CCDC148: variants seen among roughly 807,000 people sequenced by gnomAD.
The protein encoded by CCDC148 is coiled-coil domain containing 148, also known as coiled-coil domain-containing protein 148.
In CCDC148, 89 loss-of-function variants were observed where a neutral mutation model predicts 85.7. The ratio of observed to expected loss-of-function variants is 1.04; its 90% CI spans 0.87 to 1.24. CCDC148 has a LOEUF of 1.24. CCDC148 is among the 50% of genes most tolerant of loss of function. CCDC148 has a pLI of 0.00. For synonymous variants in CCDC148, 230 were observed against 213.9 expected (o/e 1.08, Z -0.66); for missense variants, 692 against 671.7 (o/e 1.03, Z -0.33).
chr2:158,201,438 C>T (rs1195586017), intron 11 of CCDC148, among the ~76,000 whole-genome samples: 1 of 151,468 alleles, frequency 6.6e-6, no homozygotes, highest in African/African-American at 2.4e-5. Context: ...GAGACAGGGT[C>T]TCACTCTGTC....
chr2:158,432,563 T>C (rs911866035), intron 1 of CCDC148, among the ~76,000 whole-genome samples: 3 of 152,184 alleles, frequency 2.0e-5, no homozygotes, highest in African/African-American at 4.8e-5. Context: ...AAAATCTGAA[T>C]TCCTTACATC....
chr2:158,281,847 T>A (rs1690322950), intron 9 of CCDC148, among the ~76,000 whole-genome samples: 2 of 152,098 alleles, frequency 1.3e-5, no homozygotes, highest in Admixed American at 6.5e-5. Flanking sequence ...TAAACCAACA[T>A]CCTTGATGAA....
At chr2:158,276,784 G>A (rs1475507079) in intron 9 of CCDC148, among the ~76,000 whole-genome samples, 1 of 152,184 alleles carries the variant, frequency 6.6e-6, no homozygotes, top group Non-Finnish European at 1.5e-5. Flanking sequence ...TAATTATGGT[G>A]CTGAAACAGA....
rs530999464 is a variant in CCDC148, at chr2:158,278,584, G to A, written c.1111-27672C>T. ...CAGCGAGGCTGGGGGAGGGGCGCCCGCCATTGCCCAGGCTTGCTTAGGTAA... is the reference window on the plus strand; with the variant it reads ...CAGCGAGGCTGGGGGAGGGGCGCCCACCATTGCCCAGGCTTGCTTAGGTAA... On this transcript the variant is annotated intron_variant, in intron 9 of 13. Transcript: ENST00000283233. Among the ~76,000 whole-genome samples the A allele has an allele frequency of 5.9e-5, 9 of 152,302 alleles. No homozygotes were observed. In the South Asian group the frequency reaches 6.2e-4, roughly 11 times the overall value.
intron 10 of CCDC148, among the ~76,000 whole-genome samples, chr2:158,221,774 T>G (rs1028286071): frequency 6.6e-6 from 1 of 152,192 alleles, no homozygotes; most frequent in East Asian, 1.9e-4. Flanking sequence ...GTTCAATGTT[T>G]AATGAATAAT....
chr2:158,304,857 G>C (rs969497309), intron 9 of CCDC148, among the ~76,000 whole-genome samples: 1 of 152,134 alleles, frequency 6.6e-6, no homozygotes, highest in Non-Finnish European at 1.5e-5. Context: ...GGGAGATGAG[G>C]CCACTATGGA....
chr2:158,296,937 C>T (rs1691216422), intron 9 of CCDC148, among the ~76,000 whole-genome samples: 1 of 152,188 alleles, frequency 6.6e-6, no homozygotes, highest in South Asian at 2.1e-4. Context: ...GCACTGATGC[C>T]TATGGTTCCT....
At chr2:158,346,457 T>C (rs1392220491) in intron 2 of CCDC148, among the ~76,000 whole-genome samples, 1 of 152,168 alleles carries the variant, frequency 6.6e-6, no homozygotes, top group Non-Finnish European at 1.5e-5. Flanking sequence ...GACCTACTGA[T>C]GGCAGTGATT....
At chr2:158,426,873 T>C (rs1238365615) in intron 1 of CCDC148, among the ~76,000 whole-genome samples, 1 of 152,182 alleles carries the variant, frequency 6.6e-6, no homozygotes, top group Non-Finnish European at 1.5e-5. Flanking sequence ...GTACCAATGT[T>C]GGCTATTGCA....
intron 3 of CCDC148, among the ~76,000 whole-genome samples, chr2:158,343,516 A>G (rs1486497847): frequency 6.6e-6 from 1 of 152,146 alleles, no homozygotes; most frequent in Non-Finnish European, 1.5e-5. Flanking sequence ...CTTTTGCCCA[A>G]CCTAATATTA....
chr2:158,279,075 G>A (rs1271330690), intron 9 of CCDC148, among the ~76,000 whole-genome samples: 1 of 152,208 alleles, frequency 6.6e-6, no homozygotes, highest in Non-Finnish European at 1.5e-5. Context: ...GGTCCTGTCT[G>A]TTAGAAGGAA....
chr2:158,373,730 G>C (rs1684542177), intron 1 of CCDC148, among the ~76,000 whole-genome samples: 1 of 151,778 alleles, frequency 6.6e-6, no homozygotes, highest in African/African-American at 2.4e-5. Context: ...ACCATCTCTG[G>C]CAATGTCATC....
At chr2:158,318,308 C>G (rs554366414) in intron 7 of CCDC148, among the ~76,000 whole-genome samples, 152 of 152,254 alleles carry the variant, frequency 1.0e-3, no homozygotes, top group Non-Finnish European at 1.6e-3. Context: ...CTGGCTCTAC[C>G]AGTCTGGCTA....
At chr2:158,286,405 T>C (rs1004606734) in intron 9 of CCDC148, among the ~76,000 whole-genome samples, 8 of 152,238 alleles carry the variant, frequency 5.3e-5, no homozygotes, top group Non-Finnish European at 1.2e-4. Context: ...GTATACAATG[T>C]TCTTTATTTT....
At chr2:158,277,686 T>C (rs113562175) in intron 9 of CCDC148, among the ~76,000 whole-genome samples, 9,816 of 152,048 alleles carry the variant, frequency 0.065, 384 homozygotes, top group Non-Finnish European at 0.082. Context: ...AAGCTCCACC[T>C]CCCAGGTTCA....
intron 10 of CCDC148, among the ~76,000 whole-genome samples, chr2:158,237,137 T>A (rs72993392): frequency 0.016 from 2,455 of 152,176 alleles, 60 homozygotes; most frequent in African/African-American, 0.052. Flanking sequence ...TGCTCGAGTG[T>A]TCATGGAGTA....
intron 1 of CCDC148, among the ~76,000 whole-genome samples, chr2:158,450,233 T>C (rs1469033521): frequency 6.6e-6 from 1 of 152,224 alleles, no homozygotes; most frequent in East Asian, 1.9e-4. Context: ...TAACCTTCTT[T>C]CTACCTCTAC....
intron 1 of CCDC148, among the ~76,000 whole-genome samples, chr2:158,422,793 T>A (rs1686866011): frequency 6.6e-6 from 1 of 151,890 alleles, no homozygotes; most frequent in Non-Finnish European, 1.5e-5. Flanking sequence ...GAATTCAAAT[T>A]GTCCCTGTTT....
chr2:158,430,401 T>C (rs1292501062), intron 1 of CCDC148, among the ~76,000 whole-genome samples: 2 of 152,074 alleles, frequency 1.3e-5, no homozygotes, highest in Non-Finnish European at 2.9e-5. Context: ...TCAACAATAT[T>C]AACATTTACA....
Sources: gnomAD v4.1 joint callset for allele counts (sites outside exome capture counted in the v4.1 genomes callset) on GRCh38, gnomAD v4.1.1 for gene constraint, MANE v1.5 for transcripts, NCBI Gene and HGNC (gene_info 2026-07-23, HGNC 2026-07-21) for gene names.